The following CNBD2 variants were observed in gnomAD, a reference collection of about 807,000 sequenced individuals.
CNBD2 encodes the protein cyclic nucleotide-binding domain-containing protein 2.
CNBD2 carries 64 observed loss-of-function variants against 63.7 expected under a neutral mutation model. That is an observed-to-expected ratio of 1.00 (90% CI 0.82 to 1.24). The LOEUF is 1.24. CNBD2 is among the 50% of genes most tolerant of loss of function. The pLI is 0.00. For synonymous variants in CNBD2, 229 were observed against 255.4 expected (o/e 0.90, Z 0.99); for missense variants, 691 against 713.5 (o/e 0.97, Z 0.36).
At chr20:35,954,955 C>A (rs1447684844) in exon 1 of CNBD2, 2 of 218,970 alleles carry the variant, frequency 9.1e-6, no homozygotes, top group Non-Finnish European at 2.1e-5. Flanking sequence ...CTCGCTTGGT[C>A]AAACTAGGAG....
At position 36,011,233 on chromosome 20, in the gene CNBD2, C is replaced by T. The variant is rs930319466; in HGVS notation, c.1245C>T (p.His415=). 1.3e-6 allele frequency: 2 copies of T among 1,579,206 alleles called. No individual in the cohort carries two copies. Among genetic ancestry groups the T allele is most frequent in the Non-Finnish European group, 8.6e-7 (1 of 1,161,742 alleles). The change falls in exon 10 of 12, where the codon CAC becomes CAT. Residue 415 remains histidine, a synonymous_variant. Transcript: ENST00000373973. ...EAAVGAYVKV[H]TVEQGEILGL... ...CAGTGGGGGCCTACGTGAAGGTGCACACTGTGGAGCAGGGAGAAATTTTGG... is the reference window on the plus strand; with the variant it reads ...CAGTGGGGGCCTACGTGAAGGTGCATACTGTGGAGCAGGGAGAAATTTTGG...
chr20:35,961,275 T>G (rs937466321), intron 2 of CNBD2, among the ~76,000 whole-genome samples: 13 of 152,156 alleles, frequency 8.5e-5, no homozygotes, highest in African/African-American at 2.2e-4. Flanking sequence ...CTTCATTTGC[T>G]TTTTGCAGTC....
At chr20:35,988,720 T>C (rs754181390) in intron 7 of CNBD2, among the ~76,000 whole-genome samples, 14 of 152,192 alleles carry the variant, frequency 9.2e-5, no homozygotes, top group Admixed American at 6.5e-5. Flanking sequence ...GTAATTTTTA[T>C]GGCTCCTGCA....
chr20:36,016,323 A>T (rs556655007), intron 10 of CNBD2, among the ~76,000 whole-genome samples: 5 of 152,330 alleles, frequency 3.3e-5, no homozygotes, highest in Non-Finnish European at 5.9e-5. Context: ...ATTAGGTGAA[A>T]CAGGAAATCT....
chr20:35,971,489 C>T (rs1390622635), intron 1 of CNBD2, among the ~76,000 whole-genome samples: 1 of 152,132 alleles, frequency 6.6e-6, no homozygotes, highest in Non-Finnish European at 1.5e-5. Context: ...GATCTCAGCT[C>T]ACTGCAACCT....
At chr20:35,978,438 G>A (rs545798728) in intron 3 of CNBD2, among the ~76,000 whole-genome samples, 2 of 151,074 alleles carry the variant, frequency 1.3e-5, no homozygotes, top group South Asian at 2.1e-4. Context: ...TCTGCCTCCC[G>A]GGTTCACGCC....
rs748648311 is a variant in CNBD2 at position 36,030,650 on chromosome 20, G to T, written c.*2G>T. The T allele has an allele frequency of 1.2e-6, 2 of 1,614,082 alleles. No homozygotes were observed. The highest frequency in any genetic ancestry group is 2.2e-5 in the East Asian group (1 of 44,884). On this transcript the variant is annotated 3_prime_UTR_variant, in exon 12 of 12. Transcript: ENST00000373973. The stretch of plus-strand genomic sequence containing the variant: ...AAAATCCGAGAACTCTTGGCTTAGT[G>T]TAAGAGCACAGGGGTCCTTATTTAG...
chr20:36,019,289 G>A (rs2057175553), intron 10 of CNBD2, among the ~76,000 whole-genome samples: 1 of 152,022 alleles, frequency 6.6e-6, no homozygotes, highest in African/African-American at 2.4e-5. Flanking sequence ...ACTTTGGGAG[G>A]CCAAGGAAGG....
intron 10 of CNBD2, among the ~76,000 whole-genome samples, chr20:36,019,529 G>GAAA (rs60556168): frequency 5.0e-4 from 36 of 71,702 alleles, no homozygotes; most frequent in East Asian, 1.7e-3. Flanking sequence ...CTCAAAAAAA[G>GAAA]AAAAAAAAAA....
At chr20:36,030,324 A>G (rs2057328855) in intron 11 of CNBD2, 33 bp from the exon 12 acceptor site, 1 of 1,609,552 alleles carries the variant, frequency 6.2e-7, no homozygotes. Flanking sequence ...CGGGACTGGC[A>G]TGAGAACCTC....
At chr20:36,009,204 CTT>C (rs1241652985) in intron 9 of CNBD2, among the ~76,000 whole-genome samples, 22 of 139,988 alleles carry the variant, frequency 1.6e-4, no homozygotes, top group Admixed American at 1.4e-4. Flanking sequence ...TTGTCTCTCT[CTT>C]TTTTTTTTTT....
chr20:36,022,217 T>TTTTTTTTTTTTG (rs561441076), intron 10 of CNBD2, among the ~76,000 whole-genome samples: 8 of 107,156 alleles, frequency 7.5e-5, no homozygotes, highest in African/African-American at 1.5e-4. Context: ...TTTTTTTTTT[T>TTTTTTTTTTTTG]GAGATGGAGT....
chr20:35,956,372 A>G (rs1382162231), downstream of CNBD2, among the ~76,000 whole-genome samples: 1 of 152,222 alleles, frequency 6.6e-6, no homozygotes, highest in Non-Finnish European at 1.5e-5. Flanking sequence ...AAAAAACGGA[A>G]GAGCTGGCCA....
At chr20:35,983,323 G>A (rs1229613426) in intron 4 of CNBD2, among the ~76,000 whole-genome samples, 1 of 151,970 alleles carries the variant, frequency 6.6e-6, no homozygotes, top group Admixed American at 6.5e-5. Context: ...AATGAATGAA[G>A]GAAAAGAATA....
chr20:35,979,617 G>A (rs921963411), intron 3 of CNBD2, among the ~76,000 whole-genome samples: 1 of 152,190 alleles, frequency 6.6e-6, no homozygotes, highest in Non-Finnish European at 1.5e-5. Flanking sequence ...TGGAGGGGAC[G>A]TTCACCCTAT....
At chr20:36,001,361 G>A (rs909518450) in intron 8 of CNBD2, among the ~76,000 whole-genome samples, 1 of 146,618 alleles carries the variant, frequency 6.8e-6, no homozygotes, top group Non-Finnish European at 1.5e-5. Flanking sequence ...CTGGCAGGGT[G>A]GGGGGCTGAC....
At chr20:35,992,438 G>T (rs1456707358) in intron 7 of CNBD2, among the ~76,000 whole-genome samples, 2 of 152,146 alleles carry the variant, frequency 1.3e-5, no homozygotes, top group Non-Finnish European at 2.9e-5. Context: ...TTTTAAAAAG[G>T]CAGATTTGCT....
At chr20:36,013,714 G>C (rs2057094939) in intron 10 of CNBD2, among the ~76,000 whole-genome samples, 1 of 152,092 alleles carries the variant, frequency 6.6e-6, no homozygotes, top group Non-Finnish European at 1.5e-5. Flanking sequence ...AAATAAATCA[G>C]TTCAGTAAAT....
At chr20:36,017,866 C>T (rs2057156038) in intron 10 of CNBD2, among the ~76,000 whole-genome samples, 1 of 152,212 alleles carries the variant, frequency 6.6e-6, no homozygotes, top group African/African-American at 2.4e-5. Context: ...GCTCCTCCTG[C>T]CACTCAGCTC....
Sources: allele counts gnomAD v4.1 joint callset (sites outside exome capture counted in the v4.1 genomes callset), GRCh38; gene constraint gnomAD v4.1.1; transcripts MANE v1.5; gene names NCBI Gene and HGNC (gene_info 2026-07-23, HGNC 2026-07-21).